ABCC3: variants seen among roughly 807,000 people sequenced by gnomAD.
ABCC3 encodes ATP-binding cassette sub-family C member 3.
A neutral mutation model predicts 165.3 loss-of-function variants in ABCC3; 121 were observed. The observed-to-expected ratio is 0.73, with a 90% CI of 0.63 to 0.85. ABCC3 has a LOEUF of 0.85. Ranked by LOEUF, ABCC3 falls within the 40% of genes least tolerant of loss-of-function variation. The probability of loss-of-function intolerance (pLI) is 0.00; values close to 1 mark genes in which losing one functional copy is unlikely to be tolerated. For missense variants in ABCC3, 1,869 were observed against 1,964.1 expected (o/e 0.95, Z 0.92); for synonymous variants, 733 against 810.1 (o/e 0.90, Z 1.62).
chr17:50,650,645 GC>G (rs1280039509), intron 1 of ABCC3, among the ~76,000 whole-genome samples: 2 of 152,068 alleles, frequency 1.3e-5, no homozygotes, highest in Non-Finnish European at 2.9e-5. Context: ...ACGTCTTATA[GC>G]TTTTCCTTAG....
At chr17:50,688,044 T>G (rs2146647993) in intron 30 of ABCC3, among the ~76,000 whole-genome samples, 1 of 152,124 alleles carries the variant, frequency 6.6e-6, no homozygotes, top group East Asian at 1.9e-4. Flanking sequence ...CTCGAAGTAC[T>G]GGGATTACAG....
chr17:50,681,911 C>T (rs1967935693), intron 26 of ABCC3, among the ~76,000 whole-genome samples: 1 of 152,170 alleles, frequency 6.6e-6, no homozygotes, highest in Admixed American at 6.5e-5. Context: ...TGGCCCCTCA[C>T]CCCTCACTGT....
chr17:50,647,900 G>A (rs1016585609), intron 1 of ABCC3, among the ~76,000 whole-genome samples: 6 of 152,082 alleles, frequency 3.9e-5, no homozygotes, highest in African/African-American at 1.2e-4. Flanking sequence ...TTGGCCGGGC[G>A]TGGTGGTGGA....
intron 1 of ABCC3, among the ~76,000 whole-genome samples, chr17:50,641,048 C>T (rs1260787408): frequency 6.6e-6 from 1 of 152,162 alleles, no homozygotes; most frequent in East Asian, 1.9e-4. Context: ...GGCCTGGGGC[C>T]CCCAGGGCTT....
rs1174568211 is a variant in ABCC3 at position 50,657,067 on chromosome 17, C to T, written c.370C>T (p.Gln124Ter). The T allele has an allele frequency of 5.6e-6, 9 of 1,613,950 alleles. No homozygotes were observed. Among genetic ancestry groups the T allele is most frequent in the East Asian group, 2.2e-5 (1 of 44,874 alleles). ...ACAGCTGCTGGCCACCCTGCTGATACAGTATGAGCGGCTGCAGGGCGTACA... is the reference window on the plus strand; with the variant it reads ...ACAGCTGCTGGCCACCCTGCTGATATAGTATGAGCGGCTGCAGGGCGTACA... Reference protein sequence around the residue: ...VTMLLATLLIQYERLQGVQSS... With the variant: ...VTMLLATLLI The change falls in exon 4 of 31, where the codon CAG becomes TAG. Residue 124 changes from glutamine to a stop codon, truncating the protein, a stop_gained. Coordinates refer to ENST00000285238, the MANE Select transcript of ABCC3 (RefSeq NM_003786.4). LOFTEE classifies it high-confidence loss of function.
intron 30 of ABCC3, among the ~76,000 whole-genome samples, chr17:50,690,458 C>A (rs1037905356): frequency 3.3e-5 from 5 of 152,160 alleles, no homozygotes; most frequent in Non-Finnish European, 1.5e-5. Context: ...CATGGAGGAG[C>A]ACTTCTCCAG....
intron 28 of ABCC3, among the ~76,000 whole-genome samples, chr17:50,684,396 T>G (rs570950103): frequency 3.3e-5 from 5 of 152,258 alleles, no homozygotes; most frequent in African/African-American, 1.2e-4. Context: ...CTGGTCTTTT[T>G]GCGCAGCTCT....
intron 29 of ABCC3, chr17:50,687,331 C>T (rs888558515): frequency 1.8e-6 from 1 of 568,212 alleles, no homozygotes; most frequent in Non-Finnish European, 3.1e-6. Flanking sequence ...TGCCTTTTAG[C>T]ACTGGCTCAT....
chr17:50,657,486 A>G (rs1282421373), intron 4 of ABCC3, among the ~76,000 whole-genome samples: 2 of 152,220 alleles, frequency 1.3e-5, no homozygotes, highest in Non-Finnish European at 2.9e-5. Context: ...TGCCTGTGTA[A>G]TGAACACATG....
At position 50,660,992 on chromosome 17, in the gene ABCC3, C is replaced by T. The variant is rs147291053; in HGVS notation, c.876C>T (p.Pro292=). ...GEDEVLLGAR[P]RPRKPSFLKA... ...ACGAGGTGCTGCTGGGTGCCCGGCC[C>T]AGGCCCCGGAAGCCCTCCTTCCTGA... Residue 292 remains proline (P), a synonymous_variant, in exon 8 of 31, where the codon CCC becomes CCT. Transcript: ENST00000285238. 5 of 1,614,078 alleles carry T rather than the reference C, an allele frequency of 3.1e-6. No homozygotes were observed. Among genetic ancestry groups the T allele is most frequent in the Non-Finnish European group, 4.2e-6 (5 of 1,179,966 alleles).
chr17:50,688,798 C>T (rs1337287966), intron 30 of ABCC3, among the ~76,000 whole-genome samples: 4 of 151,474 alleles, frequency 2.6e-5, no homozygotes, highest in Admixed American at 1.3e-4. Context: ...CTCAGCTACT[C>T]GGGAGGCTGA....
chr17:50,658,043 T>C (rs1207985988), intron 4 of ABCC3, 39 bp from the exon 5 acceptor site: 28 of 1,613,240 alleles, frequency 1.7e-5, no homozygotes, highest in Non-Finnish European at 2.2e-5. Flanking sequence ...GGCCCAGGCT[T>C]TTCCAGTGCT....
In ABCC3 at chr17:50,663,966, A is replaced by G. The variant is rs1234260389; in HGVS notation, c.1193A>G (p.Asn398Ser). 1.2e-6 allele frequency: 2 copies of G among 1,614,114 alleles called. No homozygotes were observed. The highest frequency in any genetic ancestry group is 2.2e-5 in the East Asian group (1 of 44,876). The stretch of plus-strand genomic sequence containing the variant: ...TACCTGCAGGCTCTGGTTATCACCA[A>G]CTCAGTCAAACGTGCGTCCACTGTG... ...VIYRKALVITNSVKRASTVGE... is the reference protein window; with the variant it reads ...VIYRKALVITSSVKRASTVGE... Residue 398 changes from asparagine (N) to serine (S), a missense_variant, in exon 10 of 31, where the codon AAC becomes AGC. Transcript: ENST00000285238.
Position 50,684,804 on chromosome 17 carries a change from C to T in ABCC3, c.4209C>T (p.His1403=). 6.2e-7 allele frequency: 1 copy of T among 1,614,178 alleles called. No homozygotes were observed. The highest frequency in any genetic ancestry group is 8.5e-7 in the Non-Finnish European group (1 of 1,180,032). The change falls in exon 29 of 31, where the codon CAC becomes CAT. Residue 1403 remains histidine, a synonymous_variant. Coordinates refer to ENST00000285238, the MANE Select transcript of ABCC3 (RefSeq NM_003786.4). ...TTTGGTGGGCTTTGGAGCTGTCCCA[C>T]CTGCACACGTTTGTGAGCTCCCAGC... ...EDIWWALELS[H]LHTFVSSQPA...
At chr17:50,687,298 A>G in intron 29 of ABCC3, 1 of 485,850 alleles carries the variant, frequency 2.1e-6, no homozygotes, top group Non-Finnish European at 3.7e-6. Context: ...AAGGGTGCCA[A>G]GAGCAGACCA....
At chr17:50,645,214 A>AG (rs1204950303) in intron 1 of ABCC3, among the ~76,000 whole-genome samples, 1 of 150,790 alleles carries the variant, frequency 6.6e-6, no homozygotes, top group East Asian at 1.9e-4. Context: ...AAAAAAAAAA[A>AG]AAGAAAGAAA....
At chr17:50,690,496 C>T (rs1310933950) in intron 30 of ABCC3, among the ~76,000 whole-genome samples, 3 of 152,166 alleles carry the variant, frequency 2.0e-5, no homozygotes, top group Admixed American at 6.5e-5. Context: ...CCCCTCCTGC[C>T]GTACCCTGGT....
At chr17:50,635,690 TTA>T (rs2054173251) in intron 1 of ABCC3, 1 of 674,872 alleles carries the variant, frequency 1.5e-6, no homozygotes, top group Non-Finnish European at 2.7e-6. Flanking sequence ...TTGCCCAAAG[TTA>T]CCCAGTTCAA....
chr17:50,658,789 T>G (rs1213052688), intron 6 of ABCC3, among the ~76,000 whole-genome samples: 1 of 152,252 alleles, frequency 6.6e-6, no homozygotes, highest in African/African-American at 2.4e-5. Context: ...TGAGCTCCTC[T>G]GTTTGTGATA....
Sources: gnomAD v4.1 joint callset for allele counts (sites outside exome capture counted in the v4.1 genomes callset) on GRCh38, gnomAD v4.1.1 for gene constraint, MANE v1.5 for transcripts, NCBI Gene and HGNC (gene_info 2026-07-23, HGNC 2026-07-21) for gene names.